SAXO1: variants seen among roughly 807,000 people sequenced by gnomAD.
SAXO1 encodes the protein stabilizer of axonemal microtubules 1, also known as 4930500O09Rik.
SAXO1 carries 21 observed loss-of-function variants against 17.5 expected under a neutral mutation model. The observed-to-expected ratio is 1.20, with a 90% CI of 0.85 to 1.72. SAXO1 has a LOEUF of 1.72. SAXO1 is among the 40% of genes most tolerant of loss of function. The pLI is 0.00. For missense variants in SAXO1, 843 were observed against 596.0 expected (o/e 1.41, Z -4.32); for synonymous variants, 274 against 216.5 (o/e 1.27, Z -2.33).
chr9:19,039,350 G>C (rs561688302), intron 1 of SAXO1, among the ~76,000 whole-genome samples: 1 of 152,262 alleles, frequency 6.6e-6, no homozygotes, highest in African/African-American at 2.4e-5. Context: ...ATAACTCTAG[G>C]CTTTTAGCTC....
In SAXO1 at chr9:19,043,961, A is replaced by G. The variant is rs191453015; in HGVS notation, c.-158+5248T>C. Among the ~76,000 whole-genome samples the G allele has an allele frequency of 5.5e-4, 84 of 152,076 alleles. 1 individual carries two copies. The highest frequency in any genetic ancestry group is 1.9e-3 in the African/African-American group (78 of 41,474). On this transcript the variant is annotated intron_variant, in intron 1 of 3. Coordinates refer to the SAXO1 transcript ENST00000542071. ...GGAGTTCGAGACCAGTCTGGCCAAC[A>G]TGGTGAAACCCTGTCTCTACTAAAA...
intron 1 of SAXO1, among the ~76,000 whole-genome samples, chr9:19,032,296 C>T (rs1932450): frequency 0.086 from 13,168 of 152,250 alleles, 782 homozygotes; most frequent in African/African-American, 0.17. Context: ...TGATTTCCCC[C>T]AGGACCACCT....
rs1471581508 is a variant in SAXO1, at chr9:18,929,059, A to G, written c.422-4T>C. 2 of 1,613,058 alleles carry G rather than the reference A, an allele frequency of 1.2e-6. No individual in the cohort carries two copies. The highest frequency in any genetic ancestry group is 2.7e-5 in the African/African-American group (2 of 74,934). On this transcript the variant is annotated splice_region_variant and splice_polypyrimidine_tract_variant and intron_variant, in intron 3 of 3. Transcript: ENST00000380534. The stretch of plus-strand genomic sequence containing the variant: ...TGGTTCCAAGGCAAATAATCAGCTG[A>G]AATTAAAGCAGAAGAGGTAATTAAT...
chr9:18,952,244 G>T lies in SAXO1; in HGVS notation c.39-1307C>A, dbSNP rs1832065163. Among the ~76,000 whole-genome samples, 2 of 152,136 alleles carry T rather than the reference G, an allele frequency of 1.3e-5. 1 individual carries two copies. The highest frequency in any genetic ancestry group is 1.3e-4 in the Admixed American group (2 of 15,276). On this transcript the variant is annotated intron_variant, in intron 1 of 3. Coordinates refer to ENST00000380534, the MANE Select transcript of SAXO1 (RefSeq NM_153707.4). Reference sequence around the variant, plus strand: ...CTCCATGCTGGTGTTTTCCAACTTAGCTACCTTCATGAATGGCATAGCATT... The same window carrying T: ...CTCCATGCTGGTGTTTTCCAACTTATCTACCTTCATGAATGGCATAGCATT...
chr9:19,039,908 T>C (rs551967257), intron 1 of SAXO1, among the ~76,000 whole-genome samples: 9 of 152,132 alleles, frequency 5.9e-5, no homozygotes, highest in Non-Finnish European at 1.2e-4. Flanking sequence ...TTTGTATTTT[T>C]AGTAGAGACA....
intron 1 of SAXO1, among the ~76,000 whole-genome samples, chr9:18,978,198 C>T (rs1401160590): frequency 6.6e-6 from 1 of 152,006 alleles, no homozygotes; most frequent in Non-Finnish European, 1.5e-5. Flanking sequence ...TTGGATCCAC[C>T]CCCAACCCCA....
intron 1 of SAXO1, among the ~76,000 whole-genome samples, chr9:18,956,211 G>A (rs549173777): frequency 6.1e-5 from 9 of 148,146 alleles, no homozygotes; most frequent in African/African-American, 2.0e-4. Context: ...TCAGCCTCCC[G>A]AAGTGCTGGG....
chr9:18,968,301 T>TC lies in SAXO1; in HGVS notation c.39-17365dup, dbSNP rs1205653458. 2.0e-5 allele frequency among the ~76,000 whole-genome samples: 3 copies of TC among 152,132 alleles called. 1 individual carries two copies. Among genetic ancestry groups the TC allele is most frequent in the Non-Finnish European group, 4.4e-5 (3 of 68,030 alleles). ...CTCAAGCAATCCACCTGCCTTGGCC[T>TC]CCCAAAGCACTGGGATTACAGATGT... On this transcript the variant is annotated intron_variant, in intron 1 of 3. Transcript: ENST00000380534.
intron 1 of SAXO1, among the ~76,000 whole-genome samples, chr9:18,997,419 G>C (rs1055971838): frequency 2.6e-5 from 4 of 152,268 alleles, no homozygotes; most frequent in African/African-American, 9.6e-5. Flanking sequence ...TGAGGCTTGA[G>C]TAGGTAGTTC....
At chr9:18,995,742 A>G (rs754066405) in intron 1 of SAXO1, among the ~76,000 whole-genome samples, 6 of 152,208 alleles carry the variant, frequency 3.9e-5, no homozygotes, top group Non-Finnish European at 7.3e-5. Context: ...AGAAAATAAA[A>G]ACACAATATA....
chr9:18,966,676 T>C (rs988334153), intron 1 of SAXO1, among the ~76,000 whole-genome samples: 13 of 152,310 alleles, frequency 8.5e-5, no homozygotes, highest in African/African-American at 2.9e-4. Context: ...TCCTTGCAAT[T>C]GGGTAGGAAC....
chr9:19,029,725 T>C (rs950592065), intron 1 of SAXO1, among the ~76,000 whole-genome samples: 1 of 152,226 alleles, frequency 6.6e-6, no homozygotes, highest in African/African-American at 2.4e-5. Context: ...GAGTAGCTAC[T>C]GAGCACTTGA....
chr9:18,977,079 G>A lies in SAXO1; in HGVS notation c.39-26142C>T, dbSNP rs947166857. ...TCCATCCAATGAGGTCATCTTCGTGGACTATATAACCACTGAAACATCCCT... is the reference window on the plus strand; with the variant it reads ...TCCATCCAATGAGGTCATCTTCGTGAACTATATAACCACTGAAACATCCCT... On this transcript the variant is annotated intron_variant, in intron 1 of 3. Coordinates refer to ENST00000380534, the MANE Select transcript of SAXO1 (RefSeq NM_153707.4). Among the ~76,000 whole-genome samples the A allele has an allele frequency of 7.2e-5, 11 of 152,188 alleles. No individual in the cohort carries two copies. In the South Asian group the frequency reaches 2.3e-3, roughly 32 times the overall value.
At chr9:19,019,829 G>A (rs148049040) in intron 1 of SAXO1, among the ~76,000 whole-genome samples, 272 of 152,100 alleles carry the variant, frequency 1.8e-3, no homozygotes, top group African/African-American at 6.3e-3. Context: ...CCACTTTCAC[G>A]CAATGACCAC....
chr9:18,982,703 A>C lies in SAXO1; in HGVS notation c.39-31766T>G, dbSNP rs1588477158. Among the ~76,000 whole-genome samples the C allele has an allele frequency of 5.3e-5, 8 of 152,328 alleles. 1 individual carries two copies. In the South Asian group the frequency reaches 1.7e-3, roughly 32 times the overall value. On this transcript the variant is annotated intron_variant, in intron 1 of 3. Transcript: ENST00000380534. Reference sequence around the variant, plus strand: ...TTTTACCAAAGCATTACATTCACCTACATTAATTCACTGGATGTAGAGATG... The same window carrying C: ...TTTTACCAAAGCATTACATTCACCTCCATTAATTCACTGGATGTAGAGATG...
chr9:18,970,363 T>G (rs7858792), intron 1 of SAXO1, among the ~76,000 whole-genome samples: 30,370 of 151,990 alleles, frequency 0.2, 6,632 homozygotes, highest in African/African-American at 0.55. Context: ...TAACAATCAA[T>G]TGCTGTGCTT....
intron 1 of SAXO1, among the ~76,000 whole-genome samples, chr9:18,968,876 G>A (rs1179790240): frequency 6.6e-6 from 1 of 152,172 alleles, no homozygotes. Flanking sequence ...TTACAGACAT[G>A]AGCCCCTGCA....
Position 18,946,015 on chromosome 9 carries a change from G to A in SAXO1, c.219-4176C>T, listed in dbSNP as rs1831778384. On this transcript the variant is annotated intron_variant, in intron 2 of 3. Coordinates refer to ENST00000380534, the MANE Select transcript of SAXO1 (RefSeq NM_153707.4). ...AGGCTGGCCGGGCACGGTGGCCCATGCTTGTAATCCCAGCACTTTGGGAGG... is the reference window on the plus strand; with the variant it reads ...AGGCTGGCCGGGCACGGTGGCCCATACTTGTAATCCCAGCACTTTGGGAGG... Among the ~76,000 whole-genome samples the A allele has an allele frequency of 4.6e-5, 7 of 152,256 alleles. No homozygotes were observed. The South Asian group carries it at 1.2e-3, about 27-fold the overall frequency.
At chr9:18,967,372 T>C (rs542883271) in intron 1 of SAXO1, among the ~76,000 whole-genome samples, 2 of 150,128 alleles carry the variant, frequency 1.3e-5, no homozygotes, top group Admixed American at 1.3e-4. Flanking sequence ...AGGTGCTCTG[T>C]CCCAGGGAGA....
Sources: gnomAD v4.1 joint callset for allele counts (sites outside exome capture counted in the v4.1 genomes callset) on GRCh38, gnomAD v4.1.1 for gene constraint, MANE v1.5 for transcripts, NCBI Gene and HGNC (gene_info 2026-07-23, HGNC 2026-07-21) for gene names.